The following TRIM49C variants were observed in gnomAD, a reference collection of about 807,000 sequenced individuals.
The protein encoded by TRIM49C is tripartite motif-containing protein 49C.
Under a neutral mutation model 21.4 loss-of-function variants are expected in TRIM49C, and 6 were observed. The observed-to-expected ratio is 0.28, with a 90% CI of 0.15 to 0.55. TRIM49C has a LOEUF of 0.55. Ranked by LOEUF, TRIM49C falls within the 20% of genes least tolerant of loss-of-function variation. The pLI is 0.94. For missense variants in TRIM49C, 161 were observed against 442.4 expected, an observed-to-expected ratio of 0.36 and a Z score of 5.71; for synonymous variants, 57 against 148.1, an observed-to-expected ratio of 0.38 and a Z score of 4.47.
At chr11:90,072,362 A>T in the TRIM49C span, among the ~76,000 whole-genome samples, 3 of 149,114 alleles carry the variant, frequency 2.0e-5, no homozygotes, top group African/African-American at 7.5e-5. Context: ...AATCCAGCAG[A>T]TAAAAGATGT....
the TRIM49C span, among the ~76,000 whole-genome samples, chr11:90,064,862 A>AT: frequency 2.0e-5 from 3 of 151,838 alleles, 1 homozygote; most frequent in African/African-American, 7.3e-5. Context: ...GGCTGCAAAC[A>AT]TGAGCCATCA....
chr11:90,045,227 T>C (rs555606258), downstream of TRIM49C, among the ~76,000 whole-genome samples: 348 of 128,166 alleles, frequency 2.7e-3, 39 homozygotes, highest in Middle Eastern at 7.6e-3. Flanking sequence ...CCAGCTTTGT[T>C]CTTTTGGCTT....
chr11:90,053,933 A>T, the TRIM49C span, among the ~76,000 whole-genome samples: 3 of 144,124 alleles, frequency 2.1e-5, no homozygotes, highest in African/African-American at 7.6e-5. Context: ...CTTTCGGATT[A>T]TTGGGATTAA....
chr11:90,073,235 G>GGGGGAC, the TRIM49C span: 1 of 954,906 alleles, frequency 1.0e-6, no homozygotes, highest in African/African-American at 1.6e-5. Flanking sequence ...TCCTCACTAT[G>GGGGGAC]TAGAGAAACC....
chr11:90,069,715 G>A, the TRIM49C span, among the ~76,000 whole-genome samples: 8 of 113,956 alleles, frequency 7.0e-5, 1 homozygote, highest in Non-Finnish European at 1.4e-4. Context: ...GATCAATAAA[G>A]TCTCACAATA....
the TRIM49C span, among the ~76,000 whole-genome samples, chr11:90,069,028 G>C: frequency 2.3e-5 from 3 of 129,712 alleles, no homozygotes; most frequent in African/African-American, 3.2e-5. Flanking sequence ...TGTGATAAGT[G>C]CTTTAGAGAA....
chr11:90,071,523 G>A, the TRIM49C span, among the ~76,000 whole-genome samples: 477 of 143,358 alleles, frequency 3.3e-3, 11 homozygotes, highest in African/African-American at 0.011. Context: ...GTGGCAGTAG[G>A]TTAGAAACGG....
the TRIM49C span, chr11:90,052,148 G>T: frequency 2.5e-6 from 1 of 402,982 alleles, no homozygotes; most frequent in South Asian, 3.3e-5. Context: ...CAGGACCCCG[G>T]CAGCGGGGCA....
At chr11:90,062,157 G>A in the TRIM49C span, 2 of 389,132 alleles carry the variant, frequency 5.1e-6, no homozygotes, top group Non-Finnish European at 9.0e-6. Context: ...CATAAATTAA[G>A]TTAGAGTGAA....
the TRIM49C span, among the ~76,000 whole-genome samples, chr11:90,070,393 A>G: frequency 7.9e-6 from 1 of 127,154 alleles, no homozygotes; most frequent in Non-Finnish European, 1.6e-5. Flanking sequence ...TCTATCTCTC[A>G]TCCAGCTCAG....
chr11:90,056,127 T>A, the TRIM49C span, among the ~76,000 whole-genome samples: 4 of 133,392 alleles, frequency 3.0e-5, no homozygotes, highest in East Asian at 9.8e-4. Flanking sequence ...CCCGGCTAAT[T>A]TTTTTTGTAT....
At chr11:90,045,089 T>C (rs940932928), downstream of TRIM49C, among the ~76,000 whole-genome samples, 5 of 129,964 alleles carry the variant, frequency 3.8e-5, 1 homozygote, top group Non-Finnish European at 8.1e-5. Context: ...TGGTTGTAGA[T>C]ATGTGGCATT....
the TRIM49C span, chr11:90,071,291 G>A: frequency 6.9e-6 from 3 of 436,290 alleles, no homozygotes; most frequent in South Asian, 5.4e-5. Context: ...GATTGTGTGT[G>A]TAAGTGTGTG....
the TRIM49C span, among the ~76,000 whole-genome samples, chr11:90,049,138 G>C: frequency 8.1e-6 from 1 of 123,638 alleles, no homozygotes; most frequent in African/African-American, 3.2e-5. Context: ...CTTCGTCTCA[G>C]AGGGGTAAGT....
rs772891204 is a variant in TRIM49C, at chr11:90,041,413, C to A, written c.1222C>A (p.Arg408=). 1.3e-6 allele frequency: 2 copies of A among 1,579,174 alleles called. No homozygotes were observed. The highest frequency in any genetic ancestry group is 1.7e-6 in the Non-Finnish European group (2 of 1,159,826). Reference sequence around the variant, plus strand: ...GCAATATATCCCAAAACCTACCAGCCGAGTAGGATTATTCCTGGATTGTGA... The same window carrying A: ...GCAATATATCCCAAAACCTACCAGCAGAGTAGGATTATTCCTGGATTGTGA... The part of the protein sequence containing the change: ...MLQYIPKPTS[R]VGLFLDCEAK... The change falls in exon 8 of 8, where the codon CGA becomes AGA. Residue 408 remains arginine (R), a synonymous_variant. Coordinates refer to ENST00000448984, the MANE Select transcript of TRIM49C (RefSeq NM_001195234.1).
downstream of TRIM49C, among the ~76,000 whole-genome samples, chr11:90,042,241 G>A (rs1950776016): frequency 6.9e-6 from 1 of 145,562 alleles, no homozygotes; most frequent in South Asian, 2.3e-4. Flanking sequence ...GAAAGGAAGG[G>A]GAACCTGATA....
the TRIM49C span, among the ~76,000 whole-genome samples, chr11:90,070,516 A>G: frequency 0.26 from 32,580 of 127,360 alleles, 8,149 homozygotes; most frequent in African/African-American, 0.55. Flanking sequence ...TTCCATAACT[A>G]CAGGAAGATC....
At chr11:90,036,049 A>G (rs1438035577) in intron 4 of TRIM49C, 66 bp downstream of exon 4, 6 of 564,128 alleles carry the variant, frequency 1.1e-5, no homozygotes, top group Non-Finnish European at 1.4e-5. Flanking sequence ...CTCTTAAAAT[A>G]GGAACTTGAT....
chr11:90,071,119 T>G, the TRIM49C span: 27 of 491,264 alleles, frequency 5.5e-5, 4 homozygotes, highest in Non-Finnish European at 9.7e-5. Flanking sequence ...TCTAAAGGAG[T>G]CGTTTTCTCT....
Sources: gnomAD v4.1 joint callset for allele counts (sites outside exome capture counted in the v4.1 genomes callset) on GRCh38, gnomAD v4.1.1 for gene constraint, MANE v1.5 for transcripts, NCBI Gene and HGNC (gene_info 2026-07-23, HGNC 2026-07-21) for gene names.